CNTNAP2: variants seen among roughly 807,000 people sequenced by gnomAD.
CNTNAP2 encodes the protein contactin associated protein 2, also known as contactin-associated protein-like 2.
A neutral mutation model predicts 155.2 loss-of-function variants in CNTNAP2; 98 were observed. That is an observed-to-expected ratio of 0.63 (90% confidence interval 0.54 to 0.75). The LOEUF (loss-of-function observed/expected upper bound fraction) is 0.75, where lower values mean the gene tolerates loss of function less well. CNTNAP2 is among the 30% of genes least tolerant of loss of function. CNTNAP2 has a pLI of 0.00. For missense variants in CNTNAP2, 1,727 were observed against 1,688.1 expected (o/e 1.02, Z -0.40); for synonymous variants, 651 against 631.2 (o/e 1.03, Z -0.47).
chr7:146,336,207 A>T (rs1486235901), intron 1 of CNTNAP2, among the ~76,000 whole-genome samples: 1 of 151,966 alleles, frequency 6.6e-6, no homozygotes, highest in African/African-American at 2.4e-5. Flanking sequence ...CTAAAAAAAA[A>T]AAAAAAAGTA....
At chr7:147,125,138 C>A (rs1302915538) in intron 6 of CNTNAP2, among the ~76,000 whole-genome samples, 1 of 152,022 alleles carries the variant, frequency 6.6e-6, no homozygotes, top group African/African-American at 2.4e-5. Flanking sequence ...CCTCGGCCTC[C>A]CAAAGTGCTG....
At chr7:146,827,815 A>G (rs1478758360) in intron 2 of CNTNAP2, among the ~76,000 whole-genome samples, 1 of 152,088 alleles carries the variant, frequency 6.6e-6, no homozygotes, top group East Asian at 1.9e-4. Flanking sequence ...ATTCTAGGGA[A>G]TACATACAAC....
chr7:147,587,723 C>A (rs1391024690), intron 12 of CNTNAP2, among the ~76,000 whole-genome samples: 1 of 152,126 alleles, frequency 6.6e-6, no homozygotes, highest in Non-Finnish European at 1.5e-5. Context: ...CTTTTAAAGG[C>A]AAATAAGACG....
chr7:147,451,216 G>A (rs144343348), intron 10 of CNTNAP2, among the ~76,000 whole-genome samples: 2 of 152,228 alleles, frequency 1.3e-5, no homozygotes, highest in East Asian at 3.9e-4. Flanking sequence ...AGAAACAAGA[G>A]CCCACTAGTC....
intron 12 of CNTNAP2, among the ~76,000 whole-genome samples, chr7:147,620,418 T>A (rs1801370922): frequency 6.6e-6 from 1 of 151,972 alleles, no homozygotes; most frequent in Non-Finnish European, 1.5e-5. Flanking sequence ...TTAAGGAAAC[T>A]CAAATTTAAG....
At chr7:147,993,675 G>A (rs972631248) in intron 15 of CNTNAP2, among the ~76,000 whole-genome samples, 14 of 152,184 alleles carry the variant, frequency 9.2e-5, no homozygotes, top group African/African-American at 1.9e-4. Flanking sequence ...CAGTCATTTC[G>A]TGGTGGGCAG....
intron 1 of CNTNAP2, among the ~76,000 whole-genome samples, chr7:146,614,114 T>G (rs1263272452): frequency 1.3e-5 from 2 of 152,162 alleles, no homozygotes; most frequent in Non-Finnish European, 2.9e-5. Context: ...TCCTATTTAA[T>G]TTTTAAGCAA....
chr7:148,293,949 C>T (rs900011529), intron 21 of CNTNAP2, among the ~76,000 whole-genome samples: 5 of 143,480 alleles, frequency 3.5e-5, no homozygotes, highest in African/African-American at 1.0e-4. Flanking sequence ...GCAGGAGAAC[C>T]GCTTGAACCC....
At chr7:147,760,853 T>G (rs1284666452) in intron 13 of CNTNAP2, among the ~76,000 whole-genome samples, 2 of 152,170 alleles carry the variant, frequency 1.3e-5, no homozygotes, top group Non-Finnish European at 2.9e-5. Context: ...TCTGACCTCT[T>G]TATAAAGACC....
chr7:148,346,773 T>TAAA (rs71188973), intron 21 of CNTNAP2, among the ~76,000 whole-genome samples: 8 of 147,116 alleles, frequency 5.4e-5, no homozygotes, highest in African/African-American at 1.8e-4. Flanking sequence ...ACTCCATCTT[T>TAAA]AAAAAAAAAA....
At chr7:147,129,963 G>T (rs1801319821) in intron 7 of CNTNAP2, among the ~76,000 whole-genome samples, 1 of 152,126 alleles carries the variant, frequency 6.6e-6, no homozygotes, top group Admixed American at 6.6e-5. Context: ...AACAGGTATT[G>T]TGCTAGGCAA....
At chr7:147,289,040 G>A (rs182394782) in intron 8 of CNTNAP2, among the ~76,000 whole-genome samples, 206 of 152,024 alleles carry the variant, frequency 1.4e-3, no homozygotes, top group Middle Eastern at 3.4e-3. Context: ...TCCTCTATAA[G>A]GAAACCAAGT....
In CNTNAP2 at chr7:147,772,398, TAA is replaced by T. The variant is rs58669585; in HGVS notation, c.2099-131157_2099-131156del. 1.9e-3 allele frequency among the ~76,000 whole-genome samples: 227 copies of T among 118,114 alleles called. 2 individuals carry two copies. Among genetic ancestry groups the T allele is most frequent in the Middle Eastern group, 4.7e-3 (1 of 214 alleles). The allele number at this position is 118,114 out of a possible 152,430, so 77.5% of individuals were successfully genotyped here. On this transcript the variant is annotated intron_variant, in intron 13 of 23. Coordinates refer to ENST00000361727, the MANE Select transcript of CNTNAP2 (RefSeq NM_014141.6). Reference sequence around the variant, plus strand: ...TGCCACAGCAGAGTGACACTTTGTCTAAAAAAAAAAATATATATATATAATAT... The same window carrying T: ...TGCCACAGCAGAGTGACACTTTGTCTAAAAAAAAATATATATATATAATAT...
chr7:147,848,259 CG>C (rs960412449), intron 13 of CNTNAP2, among the ~76,000 whole-genome samples: 3 of 147,950 alleles, frequency 2.0e-5, no homozygotes, highest in African/African-American at 7.4e-5. Flanking sequence ...ATTCCGTAGG[CG>C]TAGGACCCTC....
At chr7:148,251,319 C>T (rs149861247) in intron 20 of CNTNAP2, among the ~76,000 whole-genome samples, 334 of 152,312 alleles carry the variant, frequency 2.2e-3, no homozygotes, top group African/African-American at 6.9e-3. Context: ...CAATCCAGAC[C>T]GGCCAAAGGG....
intron 3 of CNTNAP2, among the ~76,000 whole-genome samples, chr7:147,015,090 G>GT (rs756258642): frequency 0.018 from 2,556 of 143,886 alleles, 25 homozygotes; most frequent in Middle Eastern, 0.032. Flanking sequence ...TGACACAGTG[G>GT]TTTTTTTTTT....
At chr7:148,012,635 ATAAG>A (rs779260008) in intron 15 of CNTNAP2, among the ~76,000 whole-genome samples, 1 of 152,256 alleles carries the variant, frequency 6.6e-6, no homozygotes, top group African/African-American at 2.4e-5. Flanking sequence ...ATGAAACCTC[ATAAG>A]TAAATTCAGA....
chr7:147,877,153 G>C (rs917326553), intron 13 of CNTNAP2, among the ~76,000 whole-genome samples: 10 of 152,144 alleles, frequency 6.6e-5, no homozygotes, highest in Admixed American at 1.3e-4. Context: ...TGTGTTGTTT[G>C]GCCATGATCA....
chr7:146,688,607 T>A (rs896764712), intron 1 of CNTNAP2, among the ~76,000 whole-genome samples: 4 of 152,046 alleles, frequency 2.6e-5, no homozygotes, highest in Non-Finnish European at 5.9e-5. Flanking sequence ...TCAGTTGAGG[T>A]GGGACACGAG....
Sources: allele counts gnomAD v4.1 joint callset (sites outside exome capture counted in the v4.1 genomes callset), GRCh38; gene constraint gnomAD v4.1.1; transcripts MANE v1.5; gene names NCBI Gene and HGNC (gene_info 2026-07-23, HGNC 2026-07-21).